Variants in AFDN observed in about 807,000 individuals in gnomAD.
The protein encoded by AFDN is afadin, adherens junction formation factor.
AFDN carries 68 observed loss-of-function variants against 216.6 expected under a neutral mutation model. The observed-to-expected ratio is 0.31, with a 90% CI of 0.26 to 0.38. The LOEUF (loss-of-function observed/expected upper bound fraction) is 0.38. Among genes scored for constraint, AFDN ranks in the 10% least tolerant of loss-of-function variants. The pLI, the probability that AFDN is intolerant of heterozygous loss-of-function variation, is 1.00. For synonymous variants in AFDN, 868 were observed against 853.7 expected (o/e 1.02, Z -0.29); for missense variants, 2,136 against 2,342.0 (o/e 0.91, Z 1.82).
At chr6:167,958,991 A>G (rs898102926) in intron 30 of AFDN, among the ~76,000 whole-genome samples, 7 of 152,244 alleles carry the variant, frequency 4.6e-5, no homozygotes, top group Non-Finnish European at 1.0e-4. Context: ...TACTCAAGGA[A>G]TTAGGAGAAG....
At chr6:167,904,356 C>T (rs1369366744) in intron 12 of AFDN, among the ~76,000 whole-genome samples, 1 of 152,010 alleles carries the variant, frequency 6.6e-6, no homozygotes, top group Admixed American at 6.6e-5. Context: ...TTACAGGCAC[C>T]TGCCACCATG....
intron 11 of AFDN, among the ~76,000 whole-genome samples, chr6:167,898,908 G>A (rs1788605136): frequency 1.3e-5 from 2 of 152,232 alleles, no homozygotes; most frequent in African/African-American, 4.8e-5. Context: ...CTTGCATTGT[G>A]GGCTTAGTAA....
chr6:167,949,490 A>G (rs1296228934), intron 29 of AFDN, among the ~76,000 whole-genome samples: 1 of 152,166 alleles, frequency 6.6e-6, no homozygotes, highest in East Asian at 1.9e-4. Context: ...GTTGGCTATC[A>G]GGAGATTTCA....
At chr6:167,856,161 T>C (rs1478845324) in intron 1 of AFDN, among the ~76,000 whole-genome samples, 2 of 152,120 alleles carry the variant, frequency 1.3e-5, no homozygotes, top group Non-Finnish European at 1.5e-5. Flanking sequence ...GCCACAGAAC[T>C]TGTGTTCAAG....
At chr6:167,966,465 T>C (rs1221501901) in intron 32 of AFDN, among the ~76,000 whole-genome samples, 2 of 152,204 alleles carry the variant, frequency 1.3e-5, no homozygotes, top group Non-Finnish European at 2.9e-5. Flanking sequence ...TAATACTCTT[T>C]GGTAGATATC....
chr6:167,962,826 A>T lies in AFDN; in HGVS notation c.4968+259A>T. The T allele has an allele frequency of 1.5e-6, 2 of 1,306,148 alleles. No individual in the cohort carries two copies. The highest frequency in any genetic ancestry group is 2.2e-5 in the South Asian group (1 of 44,514). The allele number at this position is 1,306,148 out of a possible 1,614,324, so 80.9% of individuals were successfully genotyped here. ...TTCTGAACTCTTGGGCGTGTGTAGC[A>T]GTGAGCCTCTTTGCAAAGGGTTCGT... On this transcript the variant is annotated intron_variant, in intron 31 of 33. Coordinates refer to ENST00000683244, the MANE Select transcript of AFDN (RefSeq NM_001386888.1). The surrounding 1 kb of genome is among the most constrained non-coding windows in gnomAD (Gnocchi z 5.2).
At position 167,951,388 on chromosome 6, in the gene AFDN, G is replaced by T; in HGVS notation, c.4034G>T (p.Ser1345Ile). The change falls in exon 30 of 34, where the codon AGT becomes ATT. Residue 1345 changes from serine to isoleucine, a missense_variant. Coordinates refer to ENST00000683244, the MANE Select transcript of AFDN (RefSeq NM_001386888.1). The surrounding 1 kb of genome is among the most constrained non-coding windows in gnomAD (Gnocchi z 7.1). Reference protein sequence around the residue: ...SVTPASTLTKSGPGRWKTPAA... With the variant: ...SVTPASTLTKIGPGRWKTPAA... ...ACCCCTGCTTCCACACTGACCAAAA[G>T]TGGCCCTGGCCGTTGGAAAACACCA... 6.2e-7 allele frequency: 1 copy of T among 1,614,072 alleles called. No individual in the cohort carries two copies. The highest frequency in any genetic ancestry group is 8.5e-7 in the Non-Finnish European group (1 of 1,179,994).
rs573839884 is a variant in AFDN at position 167,833,010 on chromosome 6, T to TA, written c.105+5774dup. Among the ~76,000 whole-genome samples the TA allele has an allele frequency of 5.0e-3, 761 of 152,344 alleles. 11 individuals are homozygous for TA. Among genetic ancestry groups the TA allele is most frequent in the African/African-American group, 0.018 (733 of 41,570 alleles). On this transcript the variant is annotated intron_variant, in intron 1 of 33. Transcript: ENST00000683244. ...AAACTGGAGTTGTCTCCTTTAACTC[T>TA]AGGTATGAACAGGTTGGACTTGCTG...
At position 167,866,117 on chromosome 6, in the gene AFDN, T is replaced by C. The variant is rs150363792; in HGVS notation, c.301+1371T>C. 9.1e-3 allele frequency among the ~76,000 whole-genome samples: 1,382 copies of C among 152,040 alleles called. 24 individuals are homozygous for C. The highest frequency in any genetic ancestry group is 0.031 in the African/African-American group (1,286 of 41,454). On this transcript the variant is annotated intron_variant, in intron 2 of 33. Coordinates refer to ENST00000683244, the MANE Select transcript of AFDN (RefSeq NM_001386888.1). The stretch of plus-strand genomic sequence containing the variant: ...GAATAAAATCTCTCTCACTTCCACC[T>C]TTTTTTTCTTTTTAGTCTGTGCTGT...
intron 23 of AFDN, among the ~76,000 whole-genome samples, chr6:167,931,959 T>G (rs566214626): frequency 1.3e-5 from 2 of 152,358 alleles, no homozygotes; most frequent in African/African-American, 4.8e-5. Flanking sequence ...AGCCTCAGTT[T>G]CCTTGCCTTT....
At chr6:167,938,675 G>A (rs980326456) in intron 23 of AFDN, among the ~76,000 whole-genome samples, 14 of 152,096 alleles carry the variant, frequency 9.2e-5, no homozygotes, top group African/African-American at 3.4e-4. Flanking sequence ...GCCATGTGCT[G>A]TTCATGTGGA....
chr6:167,909,907 T>A (rs181964607), intron 13 of AFDN, among the ~76,000 whole-genome samples: 33 of 152,322 alleles, frequency 2.2e-4, no homozygotes, highest in Admixed American at 6.5e-4. Flanking sequence ...AAAGTTGAAC[T>A]AAAATGATAA....
At chr6:167,949,781 G>A (rs1041101873) in intron 29 of AFDN, among the ~76,000 whole-genome samples, 33 of 152,306 alleles carry the variant, frequency 2.2e-4, no homozygotes, top group African/African-American at 7.2e-4. Flanking sequence ...TTTATGCACA[G>A]TATTTCCTGT....
intron 23 of AFDN, among the ~76,000 whole-genome samples, chr6:167,935,955 G>A (rs147160782): frequency 4.6e-5 from 7 of 152,176 alleles, no homozygotes; most frequent in African/African-American, 4.8e-5. Flanking sequence ...AGCACTATCC[G>A]ATAGAAATAT....
chr6:167,859,935 A>C (rs553340958), intron 1 of AFDN, among the ~76,000 whole-genome samples: 10 of 152,190 alleles, frequency 6.6e-5, no homozygotes, highest in African/African-American at 2.2e-4. Flanking sequence ...ATGTTTACCA[A>C]ACAAAGTTGT....
chr6:167,862,421 G>A (rs1216056065), intron 1 of AFDN, among the ~76,000 whole-genome samples: 1 of 151,960 alleles, frequency 6.6e-6, no homozygotes, highest in Non-Finnish European at 1.5e-5. Flanking sequence ...TGTCGCCCAG[G>A]CTGGAGTGCA....
At chr6:167,856,888 T>C (rs1188645332) in intron 1 of AFDN, among the ~76,000 whole-genome samples, 1 of 152,108 alleles carries the variant, frequency 6.6e-6, no homozygotes, top group Non-Finnish European at 1.5e-5. Flanking sequence ...AAAGGACTAT[T>C]TTTGAGCTTT....
rs182603191 is a variant in AFDN at position 167,873,510 on chromosome 6, T to G, written c.578+1133T>G. ...GTTTTTAAATAAATGTTCCAGTGAA[T>G]ATCCTTGTTCTACGACTTAGGGAAC... is the stretch of plus-strand genomic sequence containing the variant. On this transcript the variant is annotated intron_variant, in intron 4 of 33. Transcript: ENST00000683244. Among the ~76,000 whole-genome samples, 499 of 152,370 alleles carry G rather than the reference T, an allele frequency of 3.3e-3. 3 individuals are homozygous for G. Among genetic ancestry groups the G allele is most frequent in the Admixed American group, 5.5e-3 (84 of 15,304 alleles).
intron 4 of AFDN, among the ~76,000 whole-genome samples, chr6:167,873,334 G>T (rs1449672328): frequency 6.6e-6 from 1 of 152,052 alleles, no homozygotes; most frequent in Non-Finnish European, 1.5e-5. Flanking sequence ...TCTTCAACTG[G>T]ATTTTCACTT....
Sources: allele counts gnomAD v4.1 joint callset (sites outside exome capture counted in the v4.1 genomes callset), GRCh38; gene constraint gnomAD v4.1.1; non-coding constraint Gnocchi (gnomAD v3.1); transcripts MANE v1.5; gene names NCBI Gene and HGNC (gene_info 2026-07-23, HGNC 2026-07-21).